TP73: variants seen among roughly 807,000 people sequenced by gnomAD.
The protein encoded by TP73 is p53-like transcription factor.
TP73 carries 25 observed loss-of-function variants against 62.5 expected under a neutral mutation model. The ratio of observed to expected loss-of-function variants is 0.40; its 90% CI spans 0.29 to 0.56. TP73 has a LOEUF of 0.56. TP73 is among the 20% of genes least tolerant of loss of function. The probability of loss-of-function intolerance (pLI) is 0.46; values close to 1 mark genes in which losing one functional copy is unlikely to be tolerated. For missense variants in TP73, 754 were observed against 913.3 expected (o/e 0.83, Z 2.25); for synonymous variants, 423 against 377.5 (o/e 1.12, Z -1.40).
intron 4 of TP73, chr1:3,714,266 G>T (rs900797772): frequency 1.3e-5 from 2 of 152,344 alleles, no homozygotes; most frequent in African/African-American, 4.8e-5. Flanking sequence ...ACCTCCAGCT[G>T]CTGCCAATTC....
chr1:3,725,746 A>G (rs1436952046), intron 6 of TP73, among the ~76,000 whole-genome samples: 20 of 8,064 alleles, frequency 2.5e-3, no homozygotes, highest in Non-Finnish European at 3.9e-3. Context: ...TAAATGGGGG[A>G]GTGGATGGAT....
intron 9 of TP73, 145 bp downstream of exon 9, chr1:3,728,362 GGC>G: frequency 1.3e-6 from 1 of 774,510 alleles, no homozygotes; most frequent in South Asian, 1.8e-5. Flanking sequence ...GGGTCCAGAG[GGC>G]AGAACCTGCT....
Position 3,656,997 on chromosome 1 carries a change from A to C in TP73, c.-34+4356A>C, listed in dbSNP as rs988769983. On this transcript the variant is annotated intron_variant, in intron 1 of 13. Transcript: ENST00000378295. ...TGGTTTGTGCTTGTCGCTCCGTTGC[A>C]ATTATGGCGGTGATTAGATCTGCTC... is the stretch of plus-strand genomic sequence containing the variant. Among the ~76,000 whole-genome samples, 10 of 152,252 alleles carry C rather than the reference A, an allele frequency of 6.6e-5. No individual in the cohort carries two copies. In the East Asian group the frequency reaches 7.7e-4, roughly 12 times the overall value.
intron 4 of TP73, among the ~76,000 whole-genome samples, chr1:3,711,101 C>A (rs75649198): frequency 6.6e-6 from 1 of 152,232 alleles, no homozygotes; most frequent in African/African-American, 2.4e-5. Flanking sequence ...CCTTCTGCTT[C>A]GCCCCTCTGC....
At chr1:3,681,883 T>C (rs12403927) in intron 1 of TP73, among the ~76,000 whole-genome samples, 1 of 107,698 alleles carries the variant, frequency 9.3e-6, no homozygotes, top group East Asian at 2.4e-4. Flanking sequence ...ACACACTTGT[T>C]CCGGCCCAAG....
intron 1 of TP73, among the ~76,000 whole-genome samples, chr1:3,673,349 T>C (rs536792594): frequency 7.9e-4 from 120 of 152,264 alleles, no homozygotes; most frequent in African/African-American, 2.7e-3. Context: ...CCGGGCCTCA[T>C]TGGTTCTTCC....
rs927807885 is a variant in TP73, at chr1:3,670,525, G to A, written c.-33-11808G>A. On this transcript the variant is annotated intron_variant, in intron 1 of 13. Coordinates refer to ENST00000378295, the MANE Select transcript of TP73 (RefSeq NM_005427.4). This position sits in a 1 kb window ranked among gnomAD's most constrained non-coding sequence, Gnocchi z 5.9. Reference sequence around the variant, plus strand: ...CTAAAAATACAAAAATTAGCTGGGCGTGGTGGCGCACACAGCTGTAATCCC... The same window carrying A: ...CTAAAAATACAAAAATTAGCTGGGCATGGTGGCGCACACAGCTGTAATCCC... 1.2e-4 allele frequency among the ~76,000 whole-genome samples: 18 copies of A among 152,114 alleles called. No homozygotes were observed. Among genetic ancestry groups the A allele is most frequent in the East Asian group, 1.9e-4 (1 of 5,186 alleles).
At chr1:3,712,008 T>TGA (rs1269621805) in intron 4 of TP73, among the ~76,000 whole-genome samples, 2 of 152,144 alleles carry the variant, frequency 1.3e-5, no homozygotes, top group Admixed American at 6.5e-5. Flanking sequence ...AGAATGAGGC[T>TGA]GAGTCAACAC....
intron 3 of TP73, among the ~76,000 whole-genome samples, chr1:3,687,695 C>A (rs548848269): frequency 1.3e-5 from 2 of 152,060 alleles, no homozygotes. Context: ...GCTCCGCTCC[C>A]GTCCTCTCCC....
chr1:3,668,536 G>GTGTGTC (rs1452551277), intron 1 of TP73: 1 of 152,094 alleles, frequency 6.6e-6, no homozygotes, highest in Non-Finnish European at 1.5e-5. Flanking sequence ...GTGTGTGTGT[G>GTGTGTC]TGTGTGTGTG....
intron 1 of TP73, among the ~76,000 whole-genome samples, chr1:3,665,818 C>CA (rs1645099380): frequency 4.1e-5 from 4 of 97,104 alleles, no homozygotes; most frequent in African/African-American, 9.6e-5. Flanking sequence ...CCGTGCCCGG[C>CA]CTTTTTTTTT....
intron 4 of TP73, chr1:3,708,165 C>T (rs750905283): frequency 3.1e-5 from 9 of 293,256 alleles, no homozygotes; most frequent in African/African-American, 6.5e-5. Context: ...GTTGTCTGTC[C>T]GAGACAGGCC....
At chr1:3,665,229 T>G (rs1156476980) in intron 1 of TP73, among the ~76,000 whole-genome samples, 1 of 152,098 alleles carries the variant, frequency 6.6e-6, no homozygotes, top group African/African-American at 2.4e-5. Context: ...TAATTTTTGA[T>G]CAGGGACGGC....
At chr1:3,704,794 C>T (rs532052256) in intron 3 of TP73, among the ~76,000 whole-genome samples, 1 of 152,286 alleles carries the variant, frequency 6.6e-6, no homozygotes, top group South Asian at 2.1e-4. Flanking sequence ...CTGGCACTGC[C>T]CCTTGTCACC....
At chr1:3,668,297 T>C (rs1645165539) in intron 1 of TP73, among the ~76,000 whole-genome samples, 1 of 151,896 alleles carries the variant, frequency 6.6e-6, no homozygotes, top group African/African-American at 2.4e-5. Flanking sequence ...CAGCCATGAG[T>C]AGCTGTCACA....
intron 1 of TP73, among the ~76,000 whole-genome samples, chr1:3,671,911 G>C (rs1481066045): frequency 3.3e-5 from 5 of 151,158 alleles, no homozygotes; most frequent in African/African-American, 1.2e-4. Context: ...CTGTGCAGGG[G>C]AGGTCACAGG....
chr1:3,690,982 A>T, intron 3 of TP73: 1 of 1,562,442 alleles, frequency 6.4e-7, no homozygotes, highest in Non-Finnish European at 8.7e-7. Flanking sequence ...CTCTTCGGGG[A>T]CTTTGCGGGG....
intron 4 of TP73, among the ~76,000 whole-genome samples, chr1:3,713,408 C>T (rs1226031264): frequency 6.6e-6 from 1 of 152,194 alleles, no homozygotes; most frequent in Non-Finnish European, 1.5e-5. Flanking sequence ...AGGGGAGGGC[C>T]GTCCCAGGCT....
At chr1:3,656,945 C>G (rs995796245) in intron 1 of TP73, among the ~76,000 whole-genome samples, 1 of 152,190 alleles carries the variant, frequency 6.6e-6, no homozygotes, top group Non-Finnish European at 1.5e-5. Flanking sequence ...TCATGGTGTC[C>G]GGTAATAGCT....
Sources: gnomAD v4.1 joint callset for allele counts (sites outside exome capture counted in the v4.1 genomes callset) on GRCh38, gnomAD v4.1.1 for gene constraint, Gnocchi (gnomAD v3.1) non-coding constraint, MANE v1.5 for transcripts, NCBI Gene and HGNC (gene_info 2026-07-23, HGNC 2026-07-21) for gene names.